NDUFA10: variants seen among roughly 807,000 people sequenced by gnomAD.
The protein encoded by NDUFA10 is NADH dehydrogenase [ubiquinone] 1 alpha subcomplex subunit 10, mitochondrial.
A neutral mutation model predicts 47.8 loss-of-function variants in NDUFA10; 40 were observed. The ratio of observed to expected loss-of-function variants is 0.84; its 90% CI spans 0.65 to 1.09. The LOEUF is 1.09. Ranked by LOEUF, NDUFA10 falls within the 50% of genes least tolerant of loss-of-function variation. The pLI is 0.00. For synonymous variants in NDUFA10, 183 were observed against 172.2 expected, an observed-to-expected ratio of 1.06 and a Z score of -0.49; for missense variants, 413 against 451.1, an observed-to-expected ratio of 0.92 and a Z score of 0.76.
In NDUFA10 at chr2:239,899,070, T is replaced by A. The variant is rs1252466215; in HGVS notation, c.295-3756A>T. Among the ~76,000 whole-genome samples, 43 of 28,288 alleles carry A rather than the reference T, an allele frequency of 1.5e-3. 9 individuals carry two copies. The highest frequency in any genetic ancestry group is 0.016 in the Middle Eastern group (1 of 64). The allele number at this position is 28,288 out of a possible 152,430, so 18.6% of individuals were successfully genotyped here. ...GTGATGGAGGAGTGTGATGGAGGGG[T>A]GTGATGGAGGAGTGTGGAGGGGTGT... On this transcript the variant is annotated intron_variant, in intron 4 of 5. Coordinates refer to the NDUFA10 transcript ENST00000419408.
intron 9 of NDUFA10, among the ~76,000 whole-genome samples, chr2:239,983,965 G>A (rs1398826977): frequency 6.6e-6 from 1 of 152,168 alleles, no homozygotes; most frequent in Non-Finnish European, 1.5e-5. Flanking sequence ...GAATTTGGTG[G>A]CTCACACCTG....
At chr2:239,989,971 A>C (rs1696176684) in intron 9 of NDUFA10, 103 bp downstream of exon 9, 2 of 865,030 alleles carry the variant, frequency 2.3e-6, no homozygotes, top group Admixed American at 3.5e-5. Context: ...AAACAAACAA[A>C]ACACAGCAAC....
intron 4 of NDUFA10, among the ~76,000 whole-genome samples, chr2:239,925,630 T>G (rs1694052805): frequency 6.6e-6 from 1 of 152,200 alleles, no homozygotes. Flanking sequence ...GAAGAATTCT[T>G]AAGACTTGAC....
At chr2:239,917,614 C>T (rs937494709) in intron 4 of NDUFA10, among the ~76,000 whole-genome samples, 11 of 152,334 alleles carry the variant, frequency 7.2e-5, no homozygotes, top group African/African-American at 2.6e-4. Flanking sequence ...CATGTGTAAT[C>T]CTGAGTTATG....
In NDUFA10 at chr2:239,998,397, T is replaced by C. The variant is rs112839300; in HGVS notation, c.890+6813A>G. The stretch of plus-strand genomic sequence containing the variant: ...AAAAACCACATCTCCTAGGTTCGGA[T>C]TTGCCTCCCCTGCCTGAAGTTTTTC... On this transcript the variant is annotated intron_variant, in intron 8 of 9. Coordinates refer to ENST00000252711, the MANE Select transcript of NDUFA10 (RefSeq NM_004544.4). 8.5e-3 allele frequency among the ~76,000 whole-genome samples: 1,291 copies of C among 152,300 alleles called. 18 individuals carry two copies. Among genetic ancestry groups the C allele is most frequent in the African/African-American group, 0.03 (1,232 of 41,560 alleles).
intron 4 of NDUFA10, 132 bp from the exon 5 acceptor site, chr2:240,014,992 C>T: frequency 7.4e-7 from 1 of 1,344,300 alleles, no homozygotes; most frequent in Non-Finnish European, 1.0e-6. Flanking sequence ...CAAACCCTAT[C>T]TCGGTCACAG....
intron 4 of NDUFA10, among the ~76,000 whole-genome samples, chr2:239,921,366 G>A (rs561065158): frequency 4.8e-5 from 7 of 145,052 alleles, no homozygotes; most frequent in Non-Finnish European, 7.4e-5. Context: ...CTTCTACAGC[G>A]TGGAAAGGAA....
At chr2:239,899,078 A>AGG (rs1255935396) in intron 4 of NDUFA10, among the ~76,000 whole-genome samples, 2 of 18,948 alleles carry the variant, frequency 1.1e-4, no homozygotes, top group Non-Finnish European at 2.2e-4. Context: ...GGTGTGATGG[A>AGG]GGAGTGTGGA....
chr2:239,943,962 A>C (rs1694403459), intron 4 of NDUFA10, among the ~76,000 whole-genome samples: 1 of 152,164 alleles, frequency 6.6e-6, no homozygotes, highest in South Asian at 2.1e-4. Context: ...TGCTGGGGGC[A>C]GTGCCTGTCC....
chr2:239,926,646 C>T (rs1320286122), intron 4 of NDUFA10, among the ~76,000 whole-genome samples: 1 of 152,128 alleles, frequency 6.6e-6, no homozygotes, highest in African/African-American at 2.4e-5. Flanking sequence ...AAAACAGCCT[C>T]AGATAAGTCC....
intron 9 of NDUFA10, among the ~76,000 whole-genome samples, chr2:239,966,200 C>T (rs1230076763): frequency 2.0e-5 from 3 of 152,186 alleles, no homozygotes; most frequent in Admixed American, 6.5e-5. Context: ...AGGCACCCTG[C>T]CCAGTCACCG....
At chr2:239,993,310 C>T (rs1696328690) in intron 8 of NDUFA10, among the ~76,000 whole-genome samples, 1 of 152,168 alleles carries the variant, frequency 6.6e-6, no homozygotes, top group South Asian at 2.1e-4. Flanking sequence ...ATATGATGCC[C>T]AGCAGTAGCT....
rs1694774596 is a variant in NDUFA10, at chr2:239,959,808, AG to A, written c.*1309del. On this transcript the variant is annotated 3_prime_UTR_variant, in exon 10 of 10. Coordinates refer to ENST00000252711, the MANE Select transcript of NDUFA10 (RefSeq NM_004544.4). ...AAACAAGGACAGATGGAAGGAAGAA[AG>A]GAAGGGAGGGAAGGAGGAGGAAAGA... The A allele has an allele frequency of 1.2e-6, 1 of 858,140 alleles. No homozygotes were observed. The highest frequency in any genetic ancestry group is 1.4e-6 in the Non-Finnish European group (1 of 714,188). The allele number at this position is 858,140 out of a possible 1,614,324, so 53.2% of individuals were successfully genotyped here.
downstream of NDUFA10, among the ~76,000 whole-genome samples, chr2:239,952,738 ATGGGCC>A (rs768270930): frequency 6.6e-6 from 1 of 152,186 alleles, no homozygotes; most frequent in African/African-American, 2.4e-5. Flanking sequence ...GGGGACAGGG[ATGGGCC>A]TGGGCCTGGG....
intron 4 of NDUFA10, among the ~76,000 whole-genome samples, chr2:239,905,356 G>A (rs755016030): frequency 7.9e-5 from 12 of 152,218 alleles, no homozygotes; most frequent in East Asian, 3.9e-4. Flanking sequence ...CTCAAAGGGC[G>A]TCTAGGTTCC....
intron 4 of NDUFA10, among the ~76,000 whole-genome samples, chr2:240,017,531 C>T (rs528248251): frequency 1.5e-4 from 23 of 152,282 alleles, no homozygotes; most frequent in African/African-American, 5.5e-4. Flanking sequence ...AATGAACCAT[C>T]CCCATTGGTT....
intron 4 of NDUFA10, among the ~76,000 whole-genome samples, chr2:239,911,180 T>C (rs28519523): frequency 2.6e-5 from 4 of 152,086 alleles, no homozygotes; most frequent in African/African-American, 4.8e-5. Flanking sequence ...GCAACACCAC[T>C]TACTACTGTC....
At chr2:240,022,091 T>C in intron 2 of NDUFA10, 81 bp downstream of exon 2, 1 of 1,231,296 alleles carries the variant, frequency 8.1e-7, no homozygotes, top group Admixed American at 2.4e-5. Flanking sequence ...TTATTTAATA[T>C]TAATATTGAA....
At chr2:239,936,555 G>T (rs1694269245) in intron 4 of NDUFA10, among the ~76,000 whole-genome samples, 1 of 152,228 alleles carries the variant, frequency 6.6e-6, no homozygotes, top group Non-Finnish European at 1.5e-5. Context: ...ACCAGGACAG[G>T]GACACTCTGG....
Sources: gnomAD v4.1 joint callset for allele counts (sites outside exome capture counted in the v4.1 genomes callset) on GRCh38, gnomAD v4.1.1 for gene constraint, MANE v1.5 for transcripts, NCBI Gene and HGNC (gene_info 2026-07-23, HGNC 2026-07-21) for gene names.